The following RNLS variants were observed in gnomAD, a reference collection of about 807,000 sequenced individuals.
RNLS encodes renalase.
RNLS carries 39 observed loss-of-function variants against 39.8 expected under a neutral mutation model. The ratio of observed to expected loss-of-function variants is 0.98; its 90% confidence interval spans 0.76 to 1.28. RNLS has a LOEUF of 1.28. RNLS is among the 50% of genes most tolerant of loss of function. RNLS has a pLI of 0.00. For missense variants in RNLS, 410 were observed against 413.3 expected, an observed-to-expected ratio of 0.99 and a Z score of 0.07; for synonymous variants, 147 against 150.7, an observed-to-expected ratio of 0.98 and a Z score of 0.18.
chr10:88,265,234 T>C, the RNLS span, among the ~76,000 whole-genome samples: 5 of 152,082 alleles, frequency 3.3e-5, no homozygotes, highest in African/African-American at 9.7e-5. Context: ...TTGGTGACTA[T>C]GGCCTTATAG....
intron 6 of RNLS, chr10:88,309,303 A>C: frequency 1.4e-5 from 12 of 861,600 alleles, no homozygotes; most frequent in Non-Finnish European, 1.9e-5. Context: ...AAGAAAAAGA[A>C]AATGCATGGG....
chr10:88,318,957 C>T (rs1018955534), intron 5 of RNLS, among the ~76,000 whole-genome samples: 15 of 152,208 alleles, frequency 9.9e-5, no homozygotes, highest in African/African-American at 3.6e-4. Flanking sequence ...GGTGGGCCAG[C>T]TCTTACTCTT....
At chr10:88,512,834 G>A (rs183131740) in intron 4 of RNLS, among the ~76,000 whole-genome samples, 231 of 152,240 alleles carry the variant, frequency 1.5e-3, no homozygotes, top group African/African-American at 5.3e-3. Flanking sequence ...TACTGGCAGT[G>A]CAAAGTTACA....
intron 6 of RNLS, among the ~76,000 whole-genome samples, chr10:88,306,279 A>G (rs542025424): frequency 6.6e-6 from 1 of 152,268 alleles, no homozygotes; most frequent in African/African-American, 2.4e-5. Context: ...TACAGAACCA[A>G]GAGCAAATAC....
the RNLS span, among the ~76,000 whole-genome samples, chr10:88,174,553 A>G: frequency 1.8e-4 from 28 of 152,238 alleles, no homozygotes; most frequent in East Asian, 4.4e-3. Context: ...GATGTGATGT[A>G]TCACGTTTAT....
the RNLS span, among the ~76,000 whole-genome samples, chr10:88,251,688 G>A: frequency 5.9e-5 from 9 of 152,176 alleles, no homozygotes; most frequent in Non-Finnish European, 1.0e-4. Context: ...ATACACACAC[G>A]TATCTGTGGA....
At chr10:88,193,243 A>G in the RNLS span, among the ~76,000 whole-genome samples, 1 of 152,130 alleles carries the variant, frequency 6.6e-6, no homozygotes, top group Non-Finnish European at 1.5e-5. Flanking sequence ...AGACCCACAG[A>G]GCGAGTGTGT....
chr10:88,406,081 C>T (rs1021163001), intron 4 of RNLS, among the ~76,000 whole-genome samples: 8 of 152,090 alleles, frequency 5.3e-5, no homozygotes, highest in African/African-American at 1.7e-4. Flanking sequence ...AGGGTTTTTG[C>T]TGAGAAATCT....
chr10:88,580,793 T>C (rs1403290260), intron 3 of RNLS, among the ~76,000 whole-genome samples: 4 of 152,166 alleles, frequency 2.6e-5, no homozygotes, highest in African/African-American at 9.6e-5. Context: ...CACGAAGAGA[T>C]CCAATTTTTA....
intron 4 of RNLS, among the ~76,000 whole-genome samples, chr10:88,403,279 T>C (rs988523217): frequency 6.6e-6 from 1 of 152,120 alleles, no homozygotes; most frequent in Non-Finnish European, 1.5e-5. Flanking sequence ...TGATCAAACA[T>C]ACAAACTTAT....
At chr10:88,292,741 C>T (rs758341192) in intron 6 of RNLS, among the ~76,000 whole-genome samples, 1 of 152,000 alleles carries the variant, frequency 6.6e-6, no homozygotes, top group Non-Finnish European at 1.5e-5. Context: ...ACTCACACTG[C>T]ATCTTTTAAT....
At chr10:88,473,835 A>T (rs1177587) in intron 4 of RNLS, among the ~76,000 whole-genome samples, 75,448 of 151,660 alleles carry the variant, frequency 0.5, 19,371 homozygotes, top group Middle Eastern at 0.58. Context: ...ATATATATAT[A>T]TTTTTCTCTC....
At chr10:88,223,859 A>T in the RNLS span, among the ~76,000 whole-genome samples, 1 of 152,152 alleles carries the variant, frequency 6.6e-6, no homozygotes, top group African/African-American at 2.4e-5. Flanking sequence ...GCTTCAGCTG[A>T]TTAACATCGT....
At chr10:88,398,808 A>C (rs1852728583) in intron 4 of RNLS, among the ~76,000 whole-genome samples, 1 of 152,050 alleles carries the variant, frequency 6.6e-6, no homozygotes, top group South Asian at 2.1e-4. Flanking sequence ...AAAATTAAAA[A>C]CTTTGTGCTT....
chr10:88,319,370 A>C (rs1233373382), intron 5 of RNLS, among the ~76,000 whole-genome samples: 1 of 152,332 alleles, frequency 6.6e-6, no homozygotes, highest in East Asian at 1.9e-4. Flanking sequence ...GCAAAAAAAA[A>C]CCTAGAGTGG....
At chr10:88,482,534 T>C (rs901028888) in intron 4 of RNLS, among the ~76,000 whole-genome samples, 10 of 152,194 alleles carry the variant, frequency 6.6e-5, no homozygotes, top group African/African-American at 2.4e-4. Context: ...CATTGAGATT[T>C]ATTACTTGTT....
chr10:88,477,646 A>G (rs894580741), intron 4 of RNLS, among the ~76,000 whole-genome samples: 34 of 152,214 alleles, frequency 2.2e-4, no homozygotes, highest in African/African-American at 7.5e-4. Flanking sequence ...TATGTGACAG[A>G]TAACACTGAT....
chr10:88,231,744 T>A, the RNLS span, among the ~76,000 whole-genome samples: 1 of 152,088 alleles, frequency 6.6e-6, no homozygotes, highest in East Asian at 1.9e-4. Flanking sequence ...TAGCTACAAA[T>A]AGAGACAGAT....
intron 4 of RNLS, among the ~76,000 whole-genome samples, chr10:88,446,082 G>A (rs1267353464): frequency 6.6e-6 from 1 of 152,020 alleles, no homozygotes; most frequent in African/African-American, 2.4e-5. Context: ...CTCCTCAGCA[G>A]ATGTAAAAGA....
Sources: allele counts gnomAD v4.1 joint callset (sites outside exome capture counted in the v4.1 genomes callset), GRCh38; gene constraint gnomAD v4.1.1; transcripts MANE v1.5; gene names NCBI Gene and HGNC (gene_info 2026-07-23, HGNC 2026-07-21).